The following CXCL13 variants were observed in gnomAD, a reference collection of about 807,000 sequenced individuals.
CXCL13 encodes the protein C-X-C motif chemokine 13.
A neutral mutation model predicts 12.2 loss-of-function variants in CXCL13; 7 were observed. That is an observed-to-expected ratio of 0.57 (90% CI 0.33 to 1.07). The LOEUF is 1.07. Ranked by LOEUF, CXCL13 falls within the 50% of genes least tolerant of loss-of-function variation. The probability of loss-of-function intolerance (pLI) is 0.04; values close to 1 mark genes in which losing one functional copy is unlikely to be tolerated. For synonymous variants in CXCL13, 47 were observed against 42.4 expected (o/e 1.11, Z -0.42); for missense variants, 113 against 127.4 (o/e 0.89, Z 0.55).
intron 1 of CXCL13, among the ~76,000 whole-genome samples, chr4:77,520,742 C>G (rs936617511): frequency 4.6e-5 from 7 of 152,172 alleles, no homozygotes; most frequent in African/African-American, 1.7e-4. Flanking sequence ...GCCAGAACTT[C>G]CAACATTATG....
chr4:77,522,212 G>A (rs904124423), intron 1 of CXCL13, among the ~76,000 whole-genome samples: 1 of 152,118 alleles, frequency 6.6e-6, no homozygotes, highest in Non-Finnish European at 1.5e-5. Context: ...GAGTTCTGTA[G>A]ATGTCTATTA....
chr4:77,573,644 G>T (rs1726144945), intron 1 of CXCL13, among the ~76,000 whole-genome samples: 1 of 151,774 alleles, frequency 6.6e-6, no homozygotes, highest in Non-Finnish European at 1.5e-5. Context: ...GGCCAATTCA[G>T]ATGTTATTTA....
upstream of CXCL13, among the ~76,000 whole-genome samples, chr4:77,602,629 T>A (rs59040560): frequency 0.036 from 5,403 of 152,144 alleles, 300 homozygotes; most frequent in African/African-American, 0.12. Flanking sequence ...TCTGATTCGA[T>A]TCCAAAGTGA....
chr4:77,569,885 C>G (rs1477702872), intron 1 of CXCL13, among the ~76,000 whole-genome samples: 4 of 152,174 alleles, frequency 2.6e-5, no homozygotes, highest in Non-Finnish European at 4.4e-5. Flanking sequence ...TACTACAGGG[C>G]TACAGTAACC....
intron 1 of CXCL13, among the ~76,000 whole-genome samples, chr4:77,521,804 G>T (rs969285188): frequency 6.6e-6 from 1 of 151,992 alleles, no homozygotes; most frequent in Non-Finnish European, 1.5e-5. Context: ...TGTGATGTTA[G>T]GATGTCAATT....
intron 1 of CXCL13, among the ~76,000 whole-genome samples, chr4:77,577,217 A>G (rs1305179627): frequency 1.3e-5 from 2 of 152,132 alleles, no homozygotes; most frequent in Non-Finnish European, 2.9e-5. Flanking sequence ...ATGCACCCAA[A>G]TCTTAGCAAG....
chr4:77,566,493 T>C (rs1032213797), intron 1 of CXCL13, among the ~76,000 whole-genome samples: 1 of 152,150 alleles, frequency 6.6e-6, no homozygotes, highest in Non-Finnish European at 1.5e-5. Context: ...CATTTTTTTC[T>C]CCTTTTAAAA....
At chr4:77,595,116 T>TTTA (rs1726717781) in intron 1 of CXCL13, among the ~76,000 whole-genome samples, 1 of 134,062 alleles carries the variant, frequency 7.5e-6, no homozygotes, top group African/African-American at 2.7e-5. Flanking sequence ...TTTTTTTTTT[T>TTTA]ACCAGTGACA....
At chr4:77,597,062 T>A (rs1426869328) in intron 1 of CXCL13, among the ~76,000 whole-genome samples, 2 of 152,072 alleles carry the variant, frequency 1.3e-5, no homozygotes. Context: ...GCCAGACACA[T>A]AAAGAAGCAT....
chr4:77,535,917 A>G (rs2109797751), intron 1 of CXCL13, among the ~76,000 whole-genome samples: 1 of 152,212 alleles, frequency 6.6e-6, no homozygotes, highest in East Asian at 1.9e-4. Context: ...CTGTCCCACA[A>G]AAGTTGGGTG....
chr4:77,525,940 G>A (rs1007235309), intron 1 of CXCL13, among the ~76,000 whole-genome samples: 3 of 141,160 alleles, frequency 2.1e-5, no homozygotes, highest in African/African-American at 5.2e-5. Context: ...TATTATTTTT[G>A]CCTTCATTTT....
intron 1 of CXCL13, among the ~76,000 whole-genome samples, chr4:77,514,106 T>C (rs572440299): frequency 0.014 from 2,053 of 152,070 alleles, 29 homozygotes; most frequent in Middle Eastern, 0.027. Flanking sequence ...ATTTCCAATT[T>C]CATCCATGTC....
At chr4:77,513,743 C>T (rs1484974167) in intron 1 of CXCL13, among the ~76,000 whole-genome samples, 1 of 152,120 alleles carries the variant, frequency 6.6e-6, no homozygotes, top group Non-Finnish European at 1.5e-5. Flanking sequence ...TGAGCCACCA[C>T]ACCTGGCCTG....
intron 1 of CXCL13, among the ~76,000 whole-genome samples, chr4:77,517,674 A>G (rs1027131694): frequency 1.3e-5 from 2 of 151,990 alleles, no homozygotes; most frequent in Admixed American, 6.6e-5. Flanking sequence ...ATCTTCCTCC[A>G]TCCCTTTATT....
In CXCL13 at chr4:77,593,815, AG is replaced by A. The variant is rs1726675611; in HGVS notation, c.-42-12008del. Among the ~76,000 whole-genome samples the A allele has an allele frequency of 1.3e-5, 2 of 152,182 alleles. 1 individual carries two copies. Among genetic ancestry groups the A allele is most frequent in the South Asian group, 4.1e-4 (2 of 4,830 alleles). ...CAGTGGTATCACCAGTTGGGCAAAAAGCTCTGTCATCAACCAGTCGAGGAGA... is the reference window on the plus strand; with the variant it reads ...CAGTGGTATCACCAGTTGGGCAAAAACTCTGTCATCAACCAGTCGAGGAGA... On this transcript the variant is annotated intron_variant, in intron 1 of 4. Transcript: ENST00000286758.
At chr4:77,531,395 A>C (rs1217980572) in intron 1 of CXCL13, among the ~76,000 whole-genome samples, 1 of 148,286 alleles carries the variant, frequency 6.7e-6, no homozygotes, top group Non-Finnish European at 1.5e-5. Flanking sequence ...GTTTGATTGC[A>C]CTGTGGTCTG....
rs188087464 is a variant in CXCL13, at chr4:77,530,969, C to G, written c.-43+19181C>G. ...GAATGTGTCCCAGAGATTCTGGTAT[C>G]TTGTGTCTTTGTTCTCGTTGGTTTC... is the stretch of plus-strand genomic sequence containing the variant. On this transcript the variant is annotated intron_variant, in intron 1 of 4. Transcript: ENST00000286758. Among the ~76,000 whole-genome samples, 180 of 151,670 alleles carry G rather than the reference C, an allele frequency of 1.2e-3. 2 individuals carry two copies. The highest frequency in any genetic ancestry group is 2.2e-4 in the Non-Finnish European group (15 of 67,888).
intron 1 of CXCL13, among the ~76,000 whole-genome samples, chr4:77,573,296 T>C (rs1726130966): frequency 6.6e-6 from 1 of 151,602 alleles, no homozygotes. Flanking sequence ...TCCACTTATA[T>C]TTTATGAAAT....
chr4:77,530,758 T>A (rs1053053780), intron 1 of CXCL13, among the ~76,000 whole-genome samples: 4 of 152,174 alleles, frequency 2.6e-5, no homozygotes, highest in Non-Finnish European at 4.4e-5. Context: ...GAAGGGTTTT[T>A]TGTGTCTCTA....
Sources: allele counts gnomAD v4.1 joint callset (sites outside exome capture counted in the v4.1 genomes callset), GRCh38; gene constraint gnomAD v4.1.1; transcripts MANE v1.5; gene names NCBI Gene and HGNC (gene_info 2026-07-23, HGNC 2026-07-21).